Variants in DDX46 observed in about 807,000 individuals in gnomAD.
DDX46 encodes the protein probable ATP-dependent RNA helicase DDX46.
DDX46 carries 30 observed loss-of-function variants against 134.9 expected under a neutral mutation model. The observed-to-expected ratio is 0.22, with a 90% confidence interval of 0.17 to 0.30. The LOEUF (loss-of-function observed/expected upper bound fraction) is 0.30, where lower values mean the gene tolerates loss of function less well. Among genes scored for constraint, DDX46 ranks in the 10% least tolerant of loss-of-function variants. The pLI is 1.00. For missense variants in DDX46, 622 were observed against 1,248.7 expected, an observed-to-expected ratio of 0.50 and a Z score of 7.56; for synonymous variants, 415 against 404.1, an observed-to-expected ratio of 1.03 and a Z score of -0.32.
Position 134,811,377 on chromosome 5 carries a change from T to C in DDX46, c.2286+19T>C. On this transcript the variant is annotated intron_variant, in intron 17 of 22. Coordinates refer to ENST00000452510, the MANE Select transcript of DDX46 (RefSeq NM_001300860.2). ...GAAAGCTGTGAGTTTTTAACCCATG[T>C]TACTCTTCTAGAAATCATTAATGTG... is the stretch of plus-strand genomic sequence containing the variant. 6.2e-7 allele frequency: 1 copy of C among 1,611,846 alleles called. No individual in the cohort carries two copies.
chr5:134,824,434 C>A (rs1033819327), intron 21 of DDX46, among the ~76,000 whole-genome samples: 1 of 152,012 alleles, frequency 6.6e-6, no homozygotes, highest in South Asian at 2.1e-4. Context: ...CTACTAAATA[C>A]AAAAATTAGC....
chr5:134,820,268 T>C (rs1755405386), intron 21 of DDX46, among the ~76,000 whole-genome samples: 1 of 152,220 alleles, frequency 6.6e-6, no homozygotes, highest in South Asian at 2.1e-4. Context: ...TAAGTGGTTT[T>C]TGTTTTTGTT....
chr5:134,764,494 G>T (rs1157629721), intron 2 of DDX46, among the ~76,000 whole-genome samples: 3 of 152,050 alleles, frequency 2.0e-5, no homozygotes, highest in African/African-American at 7.2e-5. Flanking sequence ...TGTTGGCCAG[G>T]CTGCTCTCGA....
intron 18 of DDX46, among the ~76,000 whole-genome samples, chr5:134,812,627 A>G (rs899549833): frequency 6.6e-6 from 1 of 152,108 alleles, no homozygotes; most frequent in Non-Finnish European, 1.5e-5. Context: ...ATTTCTTTCT[A>G]GGATACCATA....
intron 15 of DDX46, among the ~76,000 whole-genome samples, chr5:134,806,570 A>G (rs73299331): frequency 6.6e-4 from 100 of 152,272 alleles, no homozygotes; most frequent in African/African-American, 2.1e-3. Context: ...TTCTTAGGCA[A>G]TTTTTTTGGT....
intron 13 of DDX46, among the ~76,000 whole-genome samples, chr5:134,790,864 C>G (rs1405198019): frequency 6.6e-6 from 1 of 152,070 alleles, no homozygotes; most frequent in Non-Finnish European, 1.5e-5. Context: ...GCTCTGTCGC[C>G]CAGACTGCAG....
chr5:134,811,989 T>A, intron 18 of DDX46, 144 bp downstream of exon 18: 2 of 792,678 alleles, frequency 2.5e-6, no homozygotes, highest in Non-Finnish European at 3.7e-6. Context: ...AAAATCTGCC[T>A]ACTACATACC....
rs796514255 is a variant in DDX46 at position 134,829,082 on chromosome 5, A to G, written c.*376A>G. 6 of 158,134 alleles carry G rather than the reference A, an allele frequency of 3.8e-5. No homozygotes were observed. Among genetic ancestry groups the G allele is most frequent in the African/African-American group, 1.2e-4 (5 of 41,886 alleles). The allele number at this position is 158,134 out of a possible 1,614,324, so 9.8% of individuals were successfully genotyped here. On this transcript the variant is annotated 3_prime_UTR_variant, in exon 23 of 23. Coordinates refer to ENST00000452510, the MANE Select transcript of DDX46 (RefSeq NM_001300860.2). ...ATCCTGTACTTTCAATGAAATTGTG[A>G]TCATTTCCTAAGAAAAGGTAAAATT...
chr5:134,777,565 G>T lies in DDX46; in HGVS notation c.614-9G>T, dbSNP rs150845959. The T allele has an allele frequency of 4.7e-4, 750 of 1,612,560 alleles. 4 individuals are homozygous for T. In the African/African-American group the frequency reaches 8.8e-3, roughly 19 times the overall value. On this transcript the variant is annotated splice_polypyrimidine_tract_variant and intron_variant, in intron 5 of 22. Coordinates refer to ENST00000452510, the MANE Select transcript of DDX46 (RefSeq NM_001300860.2). ...AGATGTTTAAAGAATGTGTATTCTG[G>T]TATTTTAGATGACGAAGATGATCCT...
intron 3 of DDX46, among the ~76,000 whole-genome samples, chr5:134,770,196 C>T (rs1194947027): frequency 6.7e-6 from 1 of 149,322 alleles, no homozygotes; most frequent in Admixed American, 6.7e-5. Context: ...TATGCCTGAC[C>T]AAATTTTTTT....
intron 18 of DDX46, among the ~76,000 whole-genome samples, chr5:134,813,014 T>A (rs989734582): frequency 6.6e-6 from 1 of 151,772 alleles, no homozygotes; most frequent in South Asian, 2.1e-4. Flanking sequence ...TGATCTTGGC[T>A]CACTGCAACC....
At position 134,828,947 on chromosome 5, in the gene DDX46, T is replaced by G; in HGVS notation, c.*241T>G. The G allele has an allele frequency of 3.1e-6, 1 of 318,780 alleles. No individual in the cohort carries two copies. The highest frequency in any genetic ancestry group is 5.7e-6 in the Non-Finnish European group (1 of 176,402). The allele number at this position is 318,780 out of a possible 1,614,324, so 19.7% of individuals were successfully genotyped here. A position where few individuals can be genotyped will look rare whatever the true frequency, so the allele number is the denominator to read the frequency against. On this transcript the variant is annotated 3_prime_UTR_variant, in exon 23 of 23. Transcript: ENST00000452510. ...ATGTCCTTTAATGTAAACTCAAATA[T>G]CAATATTTTAAATGTCCGGATAATA... is the stretch of plus-strand genomic sequence containing the variant.
intron 22 of DDX46, 139 bp from the exon 23 acceptor site, chr5:134,828,520 A>G: frequency 8.2e-6 from 4 of 484,982 alleles, no homozygotes; most frequent in Non-Finnish European, 1.4e-5. Context: ...TAAATAACCA[A>G]TAGTTTTATA....
At chr5:134,774,848 T>A (rs1405422288) in intron 5 of DDX46, among the ~76,000 whole-genome samples, 2 of 152,070 alleles carry the variant, frequency 1.3e-5, no homozygotes, top group African/African-American at 2.4e-5. Context: ...TGGCTAATTT[T>A]GTCTTTTTCT....
At chr5:134,762,741 AT>A (rs1184711045) in intron 1 of DDX46, among the ~76,000 whole-genome samples, 1 of 151,646 alleles carries the variant, frequency 6.6e-6, no homozygotes, top group African/African-American at 2.4e-5. Context: ...CTCAAAAAAA[AT>A]AAATAAAATA....
chr5:134,815,102 T>C (rs1327485907), intron 18 of DDX46, among the ~76,000 whole-genome samples: 4 of 152,134 alleles, frequency 2.6e-5, no homozygotes, highest in Non-Finnish European at 5.9e-5. Context: ...TTTTAAAAAT[T>C]AGCTGGACGT....
In DDX46 at chr5:134,764,053, A is replaced by T; in HGVS notation, c.167A>T (p.Asp56Val). ...AGGAGAGAGAGGTCTCGTAGCAGGG[A>T]TAAAAGAAGATCTCGGTCAAGGGAC... ...DRRRERSRSR[D>V]KRRSRSRDRK... The change falls in exon 2 of 23, where the codon GAT becomes GTT. Residue 56 changes from aspartate to valine, a missense_variant. Asp to Val is a radical substitution (Grantham distance 152). Around this residue, in one of 8 missense-constraint regions of DDX46, gnomAD observed 244 missense variants for 349.3 expected, o/e 0.70. Coordinates refer to ENST00000452510, the MANE Select transcript of DDX46 (RefSeq NM_001300860.2). 1 of 1,613,842 alleles carries T rather than the reference A, an allele frequency of 6.2e-7. No individual in the cohort carries two copies. The highest frequency in any genetic ancestry group is 8.5e-7 in the Non-Finnish European group (1 of 1,179,926).
In DDX46 at chr5:134,828,729, C is replaced by T. The variant is rs775480922; in HGVS notation, c.*23C>T. The T allele has an allele frequency of 1.3e-6, 2 of 1,482,430 alleles. No individual in the cohort carries two copies. The highest frequency in any genetic ancestry group is 2.9e-5 in the African/African-American group (2 of 69,082). The allele number at this position is 1,482,430 out of a possible 1,614,324, so 91.8% of individuals were successfully genotyped here. ...TAGACATCCGGAAAAAAGATTTTTA[C>T]CTGTGCTGGTCTATGATGTATGTGG... On this transcript the variant is annotated 3_prime_UTR_variant, in exon 23 of 23. Coordinates refer to ENST00000452510, the MANE Select transcript of DDX46 (RefSeq NM_001300860.2).
In DDX46 at chr5:134,773,779, G is replaced by A; in HGVS notation, c.531G>A (p.Lys177=). The A allele has an allele frequency of 1.2e-6, 2 of 1,613,218 alleles. No homozygotes were observed. Among genetic ancestry groups the A allele is most frequent in the Non-Finnish European group, 1.7e-6 (2 of 1,179,692 alleles). ...AATGGCGAGAAGAGCAACGTAAAAA[G>A]GCTATGGAAAACATAGGAGAACTGA... ...VEKWREEQRK[K]AMENIGELKK... Residue 177 remains lysine (K), a synonymous_variant, in exon 5 of 23, where the codon AAG becomes AAA. Coordinates refer to ENST00000452510, the MANE Select transcript of DDX46 (RefSeq NM_001300860.2).
Sources: allele counts gnomAD v4.1 joint callset (sites outside exome capture counted in the v4.1 genomes callset), GRCh38; gene constraint gnomAD v4.1.1; regional missense constraint gnomAD v4.1.1; transcripts MANE v1.5; gene names NCBI Gene and HGNC (gene_info 2026-07-23, HGNC 2026-07-21).